The following FAT3 variants were observed in gnomAD, a reference collection of about 807,000 sequenced individuals.
FAT3 encodes the protein FAT atypical cadherin 3.
A neutral mutation model predicts 310.2 loss-of-function variants in FAT3; 95 were observed. The observed-to-expected ratio is 0.31, with a 90% CI of 0.26 to 0.36. The LOEUF (loss-of-function observed/expected upper bound fraction) is 0.36. Ranked by LOEUF, FAT3 falls within the 10% of genes least tolerant of loss-of-function variation. The pLI is 1.00. For missense variants in FAT3, 5,408 were observed against 5,715.6 expected (o/e 0.95, Z 1.74); for synonymous variants, 2,314 against 2,192.9 (o/e 1.06, Z -1.54).
At chr11:92,649,826 T>G (rs1428545876) in intron 3 of FAT3, among the ~76,000 whole-genome samples, 1 of 139,824 alleles carries the variant, frequency 7.2e-6, no homozygotes, top group African/African-American at 2.6e-5. Flanking sequence ...TTCATTATCT[T>G]TTCTTATTCT....
At chr11:92,294,543 G>A (rs562227630) in intron 1 of FAT3, among the ~76,000 whole-genome samples, 2 of 152,154 alleles carry the variant, frequency 1.3e-5, no homozygotes, top group East Asian at 3.9e-4. Flanking sequence ...TATCCATTGG[G>A]AAGTGATTTG....
At chr11:92,619,442 A>T (rs1940980598) in intron 3 of FAT3, among the ~76,000 whole-genome samples, 1 of 152,130 alleles carries the variant, frequency 6.6e-6, no homozygotes, top group African/African-American at 2.4e-5. Flanking sequence ...GTATTAATTC[A>T]TTTGTAAATT....
intron 2 of FAT3, chr11:92,407,949 A>C (rs517380): frequency 6.6e-6 from 1 of 152,050 alleles, no homozygotes; most frequent in Non-Finnish European, 1.5e-5. Context: ...TTCCCAGCCC[A>C]TGAGGCAAAG....
At chr11:92,268,352 A>T (rs1591031069) in intron 1 of FAT3, among the ~76,000 whole-genome samples, 1 of 152,096 alleles carries the variant, frequency 6.6e-6, no homozygotes, top group African/African-American at 2.4e-5. Flanking sequence ...AGTGATGAAG[A>T]GAATGGACCT....
intron 4 of FAT3, among the ~76,000 whole-genome samples, chr11:92,730,104 G>T (rs1419899284): frequency 1.3e-5 from 2 of 152,094 alleles, no homozygotes; most frequent in African/African-American, 4.8e-5. Context: ...CATTTTGGGA[G>T]GCCGAGGTGG....
chr11:92,232,353 C>T (rs1200424333), intron 1 of FAT3, among the ~76,000 whole-genome samples: 1 of 152,024 alleles, frequency 6.6e-6, no homozygotes, highest in African/African-American at 2.4e-5. Context: ...AATTTGGTAC[C>T]TATCTGATAG....
At chr11:92,563,071 C>A (rs1362770044) in intron 3 of FAT3, among the ~76,000 whole-genome samples, 1 of 152,038 alleles carries the variant, frequency 6.6e-6, no homozygotes, top group East Asian at 1.9e-4. Context: ...GAATTTGGGG[C>A]CAAATTTAGA....
intron 1 of FAT3, among the ~76,000 whole-genome samples, chr11:92,329,369 C>T (rs557460326): frequency 1.3e-5 from 2 of 151,988 alleles, no homozygotes; most frequent in South Asian, 4.2e-4. Context: ...TCCCCTTTTG[C>T]TCTCTTGCTT....
At chr11:92,851,154 A>G (rs1385246560) in intron 19 of FAT3, among the ~76,000 whole-genome samples, 2 of 152,188 alleles carry the variant, frequency 1.3e-5, no homozygotes, top group African/African-American at 4.8e-5. Flanking sequence ...CCTACAGTGC[A>G]CACAGAATTT....
intron 3 of FAT3, among the ~76,000 whole-genome samples, chr11:92,587,663 G>T (rs577331804): frequency 7.2e-5 from 11 of 152,026 alleles, no homozygotes; most frequent in African/African-American, 2.6e-4. Context: ...CTGTACCATG[G>T]TGTCTTGAGA....
chr11:92,607,691 T>A (rs1940369546), intron 3 of FAT3, among the ~76,000 whole-genome samples: 1 of 152,186 alleles, frequency 6.6e-6, no homozygotes, highest in African/African-American at 2.4e-5. Context: ...GTAATTAAAA[T>A]TGTCCCCATA....
chr11:92,521,822 C>T (rs1416752389), intron 2 of FAT3, among the ~76,000 whole-genome samples: 6 of 152,212 alleles, frequency 3.9e-5, no homozygotes, highest in Middle Eastern at 3.4e-3. Context: ...TATGGATCCT[C>T]AGTAAATGCT....
At chr11:92,749,278 A>G (rs939387716) in intron 4 of FAT3, among the ~76,000 whole-genome samples, 4 of 152,098 alleles carry the variant, frequency 2.6e-5, no homozygotes, top group Non-Finnish European at 5.9e-5. Flanking sequence ...GAGTTAACAC[A>G]CATACACAAA....
Position 92,447,230 on chromosome 11 carries a change from T to TGTGC in FAT3, c.3293-77401_3293-77400insCGTG, listed in dbSNP as rs1555049381. ...GTGTATGTATATGTGTGCGTGTGTG[T>TGTGC]GTGTGTGTGTGTGTGTGTGTGTGTG... On this transcript the variant is annotated intron_variant, in intron 2 of 27. Coordinates refer to ENST00000525166, the MANE Select transcript of FAT3 (RefSeq NM_001367949.2). Among the ~76,000 whole-genome samples the TGTGC allele has an allele frequency of 1.1e-3, 148 of 140,216 alleles. 1 individual carries two copies. The highest frequency in any genetic ancestry group is 4.1e-3 in the African/African-American group (136 of 33,402). The allele number at this position is 140,216 out of a possible 152,430, so 92.0% of individuals were successfully genotyped here.
intron 1 of FAT3, among the ~76,000 whole-genome samples, chr11:92,279,519 A>G (rs956356163): frequency 6.6e-5 from 10 of 152,316 alleles, no homozygotes; most frequent in East Asian, 3.9e-4. Context: ...GTGTGAGTGC[A>G]TGTGCACACA....
At chr11:92,511,729 T>C (rs750997095) in intron 2 of FAT3, among the ~76,000 whole-genome samples, 11 of 152,094 alleles carry the variant, frequency 7.2e-5, no homozygotes, top group Non-Finnish European at 1.6e-4. Context: ...TGGAGATGGA[T>C]TGAAGGAGCA....
chr11:92,516,796 G>A (rs1591390522), intron 2 of FAT3, among the ~76,000 whole-genome samples: 1 of 152,238 alleles, frequency 6.6e-6, no homozygotes, highest in East Asian at 1.9e-4. Flanking sequence ...CAAAGTCTCA[G>A]GATACAAAGC....
At chr11:92,598,230 AT>A (rs397770261) in intron 3 of FAT3, among the ~76,000 whole-genome samples, 3,499 of 134,362 alleles carry the variant, frequency 0.026, 61 homozygotes, top group Middle Eastern at 0.07. Flanking sequence ...ATATATATAT[AT>A]TTTTTTTTTT....
intron 3 of FAT3, among the ~76,000 whole-genome samples, chr11:92,631,703 C>CA (rs1173379605): frequency 6.6e-6 from 1 of 151,972 alleles, no homozygotes; most frequent in Admixed American, 6.6e-5. Flanking sequence ...ATAGCAATGC[C>CA]AAAATGAACT....
Sources: allele counts gnomAD v4.1 joint callset (sites outside exome capture counted in the v4.1 genomes callset), GRCh38; gene constraint gnomAD v4.1.1; transcripts MANE v1.5; gene names NCBI Gene and HGNC (gene_info 2026-07-23, HGNC 2026-07-21).